The following TRAF7 variants were observed in gnomAD, a reference collection of about 807,000 sequenced individuals.
TRAF7 encodes TNF receptor associated factor 7.
TRAF7 carries 45 observed loss-of-function variants against 89.3 expected under a neutral mutation model. The observed-to-expected ratio is 0.50, with a 90% CI of 0.40 to 0.65. The LOEUF is 0.65. Among genes scored for constraint, TRAF7 ranks in the 30% least tolerant of loss-of-function variants. TRAF7 has a pLI of 0.00. For synonymous variants in TRAF7, 406 were observed against 369.2 expected, an observed-to-expected ratio of 1.10 and a Z score of -1.14; for missense variants, 677 against 918.1, an observed-to-expected ratio of 0.74 and a Z score of 3.39.
At chr16:2,164,159 T>TGTGTGTGTGTGTGTGTGCGC (rs879079517) in intron 2 of TRAF7, among the ~76,000 whole-genome samples, 158 bp downstream of exon 2, 18 of 126,076 alleles carry the variant, frequency 1.4e-4, no homozygotes, top group Admixed American at 1.4e-3. Context: ...TGTGTGTGTG[T>TGTGTGTGTGTGTGTGTGCGC]GCGCGCGCGC....
chr16:2,163,537 C>T lies in TRAF7; in HGVS notation c.-38-346C>T, dbSNP rs2093065856. On this transcript the variant is annotated intron_variant, in intron 1 of 20. Transcript: ENST00000326181. This position sits in a 1 kb window ranked among gnomAD's most constrained non-coding sequence, Gnocchi z 4.3. ...AGCCTTGGCCCCAGGGACATTCAGC[C>T]TGGAGGTGACTGGCTGTGACTCAGG... 1 of 281,978 alleles carries T rather than the reference C, an allele frequency of 3.5e-6. No homozygotes were observed. The highest frequency in any genetic ancestry group is 6.9e-6 in the Non-Finnish European group (1 of 144,086). The allele number at this position is 281,978 out of a possible 1,614,324, so 17.5% of individuals were successfully genotyped here.
At position 2,163,864 on chromosome 16, in the gene TRAF7, A is replaced by T; in HGVS notation, c.-38-19A>T. 6.6e-7 allele frequency: 1 copy of T among 1,505,636 alleles called. No individual in the cohort carries two copies. The highest frequency in any genetic ancestry group is 2.3e-5 in the East Asian group (1 of 43,558). The allele number at this position is 1,505,636 out of a possible 1,614,324, so 93.3% of individuals were successfully genotyped here. On this transcript the variant is annotated intron_variant, in intron 1 of 20. Coordinates refer to ENST00000326181, the MANE Select transcript of TRAF7 (RefSeq NM_032271.3). This position sits in a 1 kb window ranked among gnomAD's most constrained non-coding sequence, Gnocchi z 4.3. Reference sequence around the variant, plus strand: ...CTGGGCTCCATCTCTCAAGCCCCTCATTTGTGCTCCACCCACAGGAGGTGC... The same window carrying T: ...CTGGGCTCCATCTCTCAAGCCCCTCTTTTGTGCTCCACCCACAGGAGGTGC...
chr16:2,168,196 T>G lies in TRAF7; in HGVS notation c.231+28T>G. On this transcript the variant is annotated intron_variant, in intron 4 of 20. Transcript: ENST00000326181. This position sits in a 1 kb window ranked among gnomAD's most constrained non-coding sequence, Gnocchi z 4.1. ...AGGTCCCTACCCCCAGGAGCCCGTG[T>G]GAGCCTCAGCCTCCCCCCATCCTCC... 2 of 1,582,068 alleles carry G rather than the reference T, an allele frequency of 1.3e-6. No individual in the cohort carries two copies. Among genetic ancestry groups the G allele is most frequent in the Non-Finnish European group, 1.7e-6 (2 of 1,164,358 alleles).
In TRAF7 at chr16:2,163,889, C is replaced by T. The variant is rs751139732; in HGVS notation, c.-32C>T. 1.3e-6 allele frequency: 2 copies of T among 1,599,786 alleles called. No homozygotes were observed. Among genetic ancestry groups the T allele is most frequent in the Non-Finnish European group, 1.7e-6 (2 of 1,170,496 alleles). ...ATTTGTGCTCCACCCACAGGAGGTG[C>T]TTCCCAAGGACCGTAGATGCCTCTC... On this transcript the variant is annotated 5_prime_UTR_variant, in exon 2 of 21. Coordinates refer to ENST00000326181, the MANE Select transcript of TRAF7 (RefSeq NM_032271.3). The surrounding 1 kb of genome is among the most constrained non-coding windows in gnomAD (Gnocchi z 4.3).
intron 6 of TRAF7, 75 bp downstream of exon 6, chr16:2,171,431 G>T (rs758553059): frequency 1.6e-5 from 25 of 1,535,306 alleles, no homozygotes; most frequent in Non-Finnish European, 2.2e-5. Flanking sequence ...GGGGGCCGGG[G>T]CTGTGGCGCC....
Position 2,161,280 on chromosome 16 carries a change from C to T in TRAF7, c.-38-2603C>T, listed in dbSNP as rs549450733. Among the ~76,000 whole-genome samples the T allele has an allele frequency of 4.0e-5, 6 of 150,740 alleles. No individual in the cohort carries two copies. The highest frequency in any genetic ancestry group is 9.7e-5 in the African/African-American group (4 of 41,112). ...CCTTCCGTCCCCCTCAGCTGGCGCT[C>T]GATGGGGTCTTGCGCACACCCCACA... On this transcript the variant is annotated intron_variant, in intron 1 of 20. Coordinates refer to ENST00000326181, the MANE Select transcript of TRAF7 (RefSeq NM_032271.3). This position sits in a 1 kb window ranked among gnomAD's most constrained non-coding sequence, Gnocchi z 5.2.
Position 2,176,121 on chromosome 16 carries a change from G to A in TRAF7, c.1819G>A (p.Val607Ile), listed in dbSNP as rs1372044955. Residue 607 changes from valine to isoleucine, a missense_variant, in exon 19 of 21, where the codon GTC becomes ATC. Physicochemically the swap from Val to Ile is conservative, Grantham distance 29. Transcript: ENST00000326181. ...GHVGTVYALA[V>I]ISTPDQTKVF... The stretch of plus-strand genomic sequence containing the variant: ...CGTGGGCACCGTGTATGCCCTGGCG[G>A]TCATCTCGACGCCAGACCAGACCAA... The A allele has an allele frequency of 6.2e-7, 1 of 1,610,912 alleles. No individual in the cohort carries two copies. The highest frequency in any genetic ancestry group is 8.5e-7 in the Non-Finnish European group (1 of 1,179,614).
chr16:2,168,356 C>T lies in TRAF7; in HGVS notation c.231+188C>T. 1.8e-6 allele frequency: 1 copy of T among 562,488 alleles called. No individual in the cohort carries two copies. The highest frequency in any genetic ancestry group is 3.1e-6 in the Non-Finnish European group (1 of 319,078). 34.8% of individuals were successfully genotyped at this position (562,488 alleles called of 1,614,324 possible). A position where few individuals can be genotyped will look rare whatever the true frequency, so the allele number is the denominator to read the frequency against. On this transcript the variant is annotated intron_variant, in intron 4 of 20. Transcript: ENST00000326181. This position sits in a 1 kb window ranked among gnomAD's most constrained non-coding sequence, Gnocchi z 4.1. ...GAGAAAGGAGGCTCCTGTGGCTGGA[C>T]TGTGGGTGGCAGGGGGCAGCCAGTG...
chr16:2,167,314 G>A (rs1023918507), intron 3 of TRAF7, among the ~76,000 whole-genome samples: 3 of 151,916 alleles, frequency 2.0e-5, no homozygotes, highest in African/African-American at 4.8e-5. Context: ...CCAGTCACAC[G>A]GCAGCCTCTC....
In TRAF7 at chr16:2,170,478, G is replaced by A. The variant is rs1042853727; in HGVS notation, c.232-136G>A. The A allele has an allele frequency of 2.2e-5, 14 of 648,316 alleles. No homozygotes were observed. The East Asian group carries it at 2.8e-4, about 13-fold the overall frequency. The allele number at this position is 648,316 out of a possible 1,614,324, so 40.2% of individuals were successfully genotyped here. ...ACGCCCACCCACGGCCCCCGTGGACGAGGAGAGTACCCGCAGGGACCGGGG... is the reference window on the plus strand; with the variant it reads ...ACGCCCACCCACGGCCCCCGTGGACAAGGAGAGTACCCGCAGGGACCGGGG... On this transcript the variant is annotated intron_variant, in intron 4 of 20. Transcript: ENST00000326181.
chr16:2,177,476 A>C lies in TRAF7; in HGVS notation c.*902A>C, dbSNP rs1181360825. On this transcript the variant is annotated 3_prime_UTR_variant, in exon 21 of 21. Coordinates refer to ENST00000326181, the MANE Select transcript of TRAF7 (RefSeq NM_032271.3). ...TGCCCAACACTGTGGATCAGCAAAC[A>C]CGATAGAGGAGACCAGTCAGTACTT... is the stretch of plus-strand genomic sequence containing the variant. The C allele has an allele frequency of 4.3e-6, 1 of 232,994 alleles. No homozygotes were observed. Among genetic ancestry groups the C allele is most frequent in the Non-Finnish European group, 8.5e-6 (1 of 117,898 alleles). The allele number at this position is 232,994 out of a possible 1,614,324, so 14.4% of individuals were successfully genotyped here.
chr16:2,174,887 G>A (rs1368980387), intron 14 of TRAF7, among the ~76,000 whole-genome samples: 3 of 152,346 alleles, frequency 2.0e-5, no homozygotes, highest in Non-Finnish European at 2.9e-5. Flanking sequence ...CTCCCAGCTC[G>A]CTGTCAAATG....
Position 2,176,035 on chromosome 16 carries a change from C to T in TRAF7, c.1747-14C>T, listed in dbSNP as rs770443870. On this transcript the variant is annotated splice_polypyrimidine_tract_variant and intron_variant, in intron 18 of 20. Transcript: ENST00000326181. ...GCTCAGTGTCTTTGACCTGCCTGTG[C>T]CCACCCCTCCCAGGTGTGGGACATT... 4 of 1,607,402 alleles carry T rather than the reference C, an allele frequency of 2.5e-6. No homozygotes were observed. In the African/African-American group the frequency reaches 4.0e-5, roughly 16 times the overall value.
At position 2,177,971 on chromosome 16, in the gene TRAF7, G is replaced by C; in HGVS notation, c.*1397G>C. On this transcript the variant is annotated 3_prime_UTR_variant, in exon 21 of 21. Coordinates refer to ENST00000326181, the MANE Select transcript of TRAF7 (RefSeq NM_032271.3). ...CCTGGGCCTCTAACAGCTTTTGTCCGGAGCTAGACTTCGTGTCCTTTCAGT... is the reference window on the plus strand; with the variant it reads ...CCTGGGCCTCTAACAGCTTTTGTCCCGAGCTAGACTTCGTGTCCTTTCAGT... The C allele has an allele frequency of 2.7e-6, 1 of 370,206 alleles. No homozygotes were observed. Among genetic ancestry groups the C allele is most frequent in the Non-Finnish European group, 5.1e-6 (1 of 196,912 alleles). The allele number at this position is 370,206 out of a possible 1,614,324, so 22.9% of individuals were successfully genotyped here.
At position 2,163,069 on chromosome 16, in the gene TRAF7, T is replaced by G. The variant is rs2093064089; in HGVS notation, c.-38-814T>G. 6.6e-6 allele frequency among the ~76,000 whole-genome samples: 1 copy of G among 152,150 alleles called. No homozygotes were observed. Among genetic ancestry groups the G allele is most frequent in the Non-Finnish European group, 1.5e-5 (1 of 68,012 alleles). ...TGGGTCTCTTTTTCTCTCTAATGTT[T>G]ACCTTCCCCTACTGGTGTCCCTGGG... On this transcript the variant is annotated intron_variant, in intron 1 of 20. Transcript: ENST00000326181. This position sits in a 1 kb window ranked among gnomAD's most constrained non-coding sequence, Gnocchi z 4.3.
At position 2,171,280 on chromosome 16, in the gene TRAF7, C is replaced by T. The variant is rs1313697003; in HGVS notation, c.365C>T (p.Ala122Val). The T allele has an allele frequency of 3.0e-5, 46 of 1,551,128 alleles. No homozygotes were observed. Among genetic ancestry groups the T allele is most frequent in the Non-Finnish European group, 3.5e-5 (40 of 1,148,358 alleles). The change falls in exon 6 of 21, where the codon GCG becomes GTG. Residue 122 changes from alanine to valine, a missense_variant. Ala to Val is a moderately conservative substitution (Grantham distance 64). Coordinates refer to ENST00000326181, the MANE Select transcript of TRAF7 (RefSeq NM_032271.3). Reference protein sequence around the residue: ...EEEEPEPLVFAEQPSVKLCCQ... With the variant: ...EEEEPEPLVFVEQPSVKLCCQ... ...TGGTTCCAGGAGCCACTGGTGTTTG[C>T]GGAGCAGCCCTCGGTGAAGCTGTGC...
chr16:2,172,381 G>A lies in TRAF7; in HGVS notation c.659+7G>A, dbSNP rs1567251778. On this transcript the variant is annotated splice_region_variant and intron_variant, in intron 8 of 20. Coordinates refer to ENST00000326181, the MANE Select transcript of TRAF7 (RefSeq NM_032271.3). The stretch of plus-strand genomic sequence containing the variant: ...TCAAGCTCAGCGCCCGGAAGTAAGT[G>A]CCCCTCCCTGGGCACCTCTGCCTCC... 1 of 1,611,538 alleles carries A rather than the reference G, an allele frequency of 6.2e-7. No individual in the cohort carries two copies. Among genetic ancestry groups the A allele is most frequent in the Admixed American group, 1.7e-5 (1 of 59,942 alleles).
chr16:2,173,860 C>A (rs1180467377), intron 12 of TRAF7, 24 bp downstream of exon 12: 121 of 528,874 alleles, frequency 2.3e-4, no homozygotes, highest in Middle Eastern at 1.0e-3. Flanking sequence ...CGCCGTGGCT[C>A]CCGCCCACCC....
rs1204912752 is a variant in TRAF7, at chr16:2,171,423, G to A, written c.441+67G>A. 2.0e-6 allele frequency: 3 copies of A among 1,533,336 alleles called. No individual in the cohort carries two copies. In the African/African-American group the frequency reaches 4.1e-5, roughly 21 times the overall value. 95.0% of individuals were successfully genotyped at this position (1,533,336 alleles called of 1,614,324 possible). ...CCCCACAGGACCCCAGGGCTCTCGG[G>A]GGCCGGGGCTGTGGCGCCCTGGCCT... On this transcript the variant is annotated intron_variant, in intron 6 of 20. Transcript: ENST00000326181.
Sources: gnomAD v4.1 joint callset for allele counts (sites outside exome capture counted in the v4.1 genomes callset) on GRCh38, gnomAD v4.1.1 for gene constraint, Gnocchi (gnomAD v3.1) non-coding constraint, MANE v1.5 for transcripts, NCBI Gene and HGNC (gene_info 2026-07-23, HGNC 2026-07-21) for gene names.